FBXO25: variants seen among roughly 807,000 people sequenced by gnomAD.
FBXO25 encodes the protein F-box only protein 25.
A neutral mutation model predicts 51.9 loss-of-function variants in FBXO25; 45 were observed. The ratio of observed to expected loss-of-function variants is 0.87; its 90% CI spans 0.68 to 1.11. FBXO25 has a LOEUF of 1.11. FBXO25 is among the 50% of genes most tolerant of loss of function. The pLI, the probability that FBXO25 is intolerant of heterozygous loss-of-function variation, is 0.00. For synonymous variants in FBXO25, 199 were observed against 151.0 expected, an observed-to-expected ratio of 1.32 and a Z score of -2.33; for missense variants, 507 against 428.5, an observed-to-expected ratio of 1.18 and a Z score of -1.62.
intron 7 of FBXO25, among the ~76,000 whole-genome samples, chr8:457,741 G>C (rs1799539868): frequency 6.6e-6 from 1 of 152,174 alleles, no homozygotes; most frequent in Non-Finnish European, 1.5e-5. Flanking sequence ...CTGGGCTGTG[G>C]CCATCGGTTC....
intron 7 of FBXO25, among the ~76,000 whole-genome samples, 155 bp downstream of exon 7, chr8:451,608 C>T (rs374426678): frequency 6.6e-6 from 1 of 152,068 alleles, no homozygotes; most frequent in African/African-American, 2.4e-5. Flanking sequence ...AGAAAAGGAC[C>T]AAAGACCCCA....
At chr8:418,857 A>G (rs566383401) in intron 2 of FBXO25, among the ~76,000 whole-genome samples, 9 of 152,300 alleles carry the variant, frequency 5.9e-5, no homozygotes, top group African/African-American at 2.2e-4. Flanking sequence ...GTGAACCTCT[A>G]CTACTCACTC....
chr8:410,616 A>G (rs1796429937), intron 1 of FBXO25, among the ~76,000 whole-genome samples: 1 of 152,170 alleles, frequency 6.6e-6, no homozygotes, highest in Admixed American at 6.5e-5. Context: ...GTTCTTGAAA[A>G]TCATAAAATC....
chr8:409,246 G>A (rs1235590350), intron 1 of FBXO25, among the ~76,000 whole-genome samples: 1 of 152,130 alleles, frequency 6.6e-6, no homozygotes, highest in East Asian at 1.9e-4. Context: ...TATAGATTAT[G>A]CTTTAAGAAA....
At chr8:429,909 A>G (rs1248148499) in intron 2 of FBXO25, among the ~76,000 whole-genome samples, 3 of 152,242 alleles carry the variant, frequency 2.0e-5, no homozygotes, top group Non-Finnish European at 4.4e-5. Context: ...CCAGATTCAC[A>G]GGAGGATGCG....
At chr8:438,258 C>T (rs1448188909) in intron 5 of FBXO25, among the ~76,000 whole-genome samples, 1 of 152,134 alleles carries the variant, frequency 6.6e-6, no homozygotes, top group South Asian at 2.1e-4. Context: ...GGGGTTTCGC[C>T]ATTTTGGCCA....
At chr8:464,590 T>C (rs1800031853) in intron 9 of FBXO25, among the ~76,000 whole-genome samples, 1 of 152,236 alleles carries the variant, frequency 6.6e-6, no homozygotes, top group Non-Finnish European at 1.5e-5. Flanking sequence ...TTACATTATC[T>C]ATATTTGTTA....
At chr8:446,607 A>G (rs540963685) in intron 5 of FBXO25, among the ~76,000 whole-genome samples, 1 of 152,264 alleles carries the variant, frequency 6.6e-6, no homozygotes, top group Admixed American at 6.5e-5. Context: ...AAGGGGTGCT[A>G]TTCAACACTA....
In FBXO25 at chr8:445,481, G is replaced by A. The variant is rs1465828752; in HGVS notation, c.382-4509G>A. ...TACTGAGGACCCCAAAGAGATTTTG[G>A]TCATGTGAGTTATATCTATTAATGT... On this transcript the variant is annotated intron_variant, in intron 5 of 9. Coordinates refer to ENST00000350302, the MANE Select transcript of FBXO25 (RefSeq NM_183420.2). Among the ~76,000 whole-genome samples the A allele has an allele frequency of 2.0e-5, 3 of 152,118 alleles. No homozygotes were observed. The South Asian group carries it at 6.2e-4, about 32-fold the overall frequency.
rs1022119561 is a variant in FBXO25 at position 469,640 on chromosome 8, G to T, written c.*836G>T. On this transcript the variant is annotated 3_prime_UTR_variant, in exon 10 of 10. Transcript: ENST00000350302. ...GATTTTGATACTTAAATCCTTAAAAGATTGCTTCGTTTTTAAAATAACGCA... is the reference window on the plus strand; with the variant it reads ...GATTTTGATACTTAAATCCTTAAAATATTGCTTCGTTTTTAAAATAACGCA... 3.3e-5 allele frequency: 5 copies of T among 152,208 alleles called. No individual in the cohort carries two copies. Among genetic ancestry groups the T allele is most frequent in the South Asian group, 2.1e-4 (1 of 4,834 alleles). 9.4% of individuals were successfully genotyped at this position (152,208 alleles called of 1,614,324 possible).
chr8:437,088 T>A (rs3931132), intron 5 of FBXO25, among the ~76,000 whole-genome samples: 12,279 of 152,190 alleles, frequency 0.081, 624 homozygotes, highest in African/African-American at 0.14. Flanking sequence ...GTGTACCACA[T>A]ACTACTATAA....
intron 5 of FBXO25, among the ~76,000 whole-genome samples, chr8:439,497 C>A (rs981166923): frequency 2.0e-5 from 3 of 152,248 alleles, no homozygotes; most frequent in Non-Finnish European, 4.4e-5. Context: ...ACTTCATTCT[C>A]TGCCTGTGGT....
At chr8:428,138 CTCTAT>C (rs1314988053) in intron 2 of FBXO25, among the ~76,000 whole-genome samples, 1 of 152,126 alleles carries the variant, frequency 6.6e-6, no homozygotes, top group African/African-American at 2.4e-5. Context: ...GTTGATTCTT[CTCTAT>C]TCTCTTCTCT....
chr8:423,902 TC>T (rs1439401419), intron 2 of FBXO25, among the ~76,000 whole-genome samples: 1 of 152,202 alleles, frequency 6.6e-6, no homozygotes, highest in Non-Finnish European at 1.5e-5. Context: ...TGATTTACAT[TC>T]CCGTCAACAG....
At chr8:431,789 C>CA (rs1399404093) in intron 3 of FBXO25, among the ~76,000 whole-genome samples, 2 of 152,154 alleles carry the variant, frequency 1.3e-5, no homozygotes, top group African/African-American at 4.8e-5. Context: ...GAGCAGGAGA[C>CA]AGACATTCAG....
chr8:463,883 G>C (rs912640769), intron 9 of FBXO25, among the ~76,000 whole-genome samples: 1 of 151,958 alleles, frequency 6.6e-6, no homozygotes, highest in Non-Finnish European at 1.5e-5. Context: ...GCGTCATCAC[G>C]GCTCACTGCA....
At chr8:448,735 A>G (rs1057369995) in intron 5 of FBXO25, among the ~76,000 whole-genome samples, 15 of 152,190 alleles carry the variant, frequency 9.9e-5, no homozygotes, top group African/African-American at 3.6e-4. Context: ...ACCTGTAATC[A>G]CAGGGAGGCA....
chr8:414,378 C>G (rs1455011206), intron 2 of FBXO25, among the ~76,000 whole-genome samples: 1 of 151,964 alleles, frequency 6.6e-6, no homozygotes, highest in Admixed American at 6.6e-5. Flanking sequence ...TTGACTATAT[C>G]TAGAAATGTC....
intron 5 of FBXO25, among the ~76,000 whole-genome samples, chr8:444,029 C>A (rs1798589396): frequency 2.0e-5 from 3 of 152,264 alleles, no homozygotes; most frequent in Admixed American, 1.3e-4. Context: ...TTCATCTCTC[C>A]CTGCCTCAGT....
Sources: allele counts gnomAD v4.1 joint callset (sites outside exome capture counted in the v4.1 genomes callset), GRCh38; gene constraint gnomAD v4.1.1; transcripts MANE v1.5; gene names NCBI Gene and HGNC (gene_info 2026-07-23, HGNC 2026-07-21).